VTI1A: variants seen among roughly 807,000 people sequenced by gnomAD.
VTI1A encodes vesicle transport through interaction with t-SNAREs homolog 1A.
A neutral mutation model predicts 34.9 loss-of-function variants in VTI1A; 22 were observed. The ratio of observed to expected loss-of-function variants is 0.63; its 90% CI spans 0.45 to 0.90. The LOEUF (loss-of-function observed/expected upper bound fraction) is 0.90. Among genes scored for constraint, VTI1A ranks in the 40% least tolerant of loss-of-function variants. VTI1A has a pLI of 0.00. For missense variants in VTI1A, 268 were observed against 275.6 expected, an observed-to-expected ratio of 0.97 and a Z score of 0.20; for synonymous variants, 87 against 97.3, an observed-to-expected ratio of 0.89 and a Z score of 0.62.
intron 7 of VTI1A, among the ~76,000 whole-genome samples, chr10:112,686,896 G>A (rs929696403): frequency 6.6e-6 from 1 of 152,162 alleles, no homozygotes; most frequent in Non-Finnish European, 1.5e-5. Context: ...CCACCAGAAG[G>A]TGGAATTTTT....
At chr10:112,812,593 C>A (rs1006529768) in intron 7 of VTI1A, among the ~76,000 whole-genome samples, 1 of 152,178 alleles carries the variant, frequency 6.6e-6, no homozygotes, top group Admixed American at 6.5e-5. Context: ...GTTCACTTTT[C>A]TGGTCCTGAG....
Position 112,815,796 on chromosome 10 carries a change from G to A in VTI1A, c.*413G>A, listed in dbSNP as rs867903267. ...GCTGAAAAGCTCTTCTGTGATGTCTGAGGATAAAAATGCAGCAAAAAGCAG... is the reference window on the plus strand; with the variant it reads ...GCTGAAAAGCTCTTCTGTGATGTCTAAGGATAAAAATGCAGCAAAAAGCAG... On this transcript the variant is annotated 3_prime_UTR_variant, in exon 8 of 8. Transcript: ENST00000393077. 1.1e-4 allele frequency: 30 copies of A among 262,716 alleles called. No homozygotes were observed. Among genetic ancestry groups the A allele is most frequent in the Middle Eastern group, 1.1e-3 (1 of 910 alleles). 16.3% of individuals were successfully genotyped at this position (262,716 alleles called of 1,614,324 possible).
At chr10:112,530,780 A>G (rs752567971) in intron 4 of VTI1A, among the ~76,000 whole-genome samples, 1 of 152,152 alleles carries the variant, frequency 6.6e-6, no homozygotes, top group Non-Finnish European at 1.5e-5. Context: ...AAGTCGGTCA[A>G]TTTAATTCCC....
chr10:112,469,439 A>G (rs1486995011), intron 3 of VTI1A, among the ~76,000 whole-genome samples: 2 of 152,136 alleles, frequency 1.3e-5, no homozygotes, highest in African/African-American at 4.8e-5. Context: ...CCCAAGAACT[A>G]ATTTTTGCCT....
rs182336271 is a variant in VTI1A at position 112,683,363 on chromosome 10, C to T, written c.560+14365C>T. On this transcript the variant is annotated intron_variant, in intron 7 of 7. Coordinates refer to ENST00000393077, the MANE Select transcript of VTI1A (RefSeq NM_145206.4). Reference sequence around the variant, plus strand: ...TAATTGGTAGGAACATGAAAGTGAACCTGAGTGGTCTTTGGTAGACTATAG... The same window carrying T: ...TAATTGGTAGGAACATGAAAGTGAATCTGAGTGGTCTTTGGTAGACTATAG... Among the ~76,000 whole-genome samples the T allele has an allele frequency of 4.6e-3, 704 of 152,236 alleles. 5 individuals are homozygous for T. The highest frequency in any genetic ancestry group is 0.016 in the African/African-American group (675 of 41,536).
intron 7 of VTI1A, among the ~76,000 whole-genome samples, chr10:112,755,072 G>A (rs1851233261): frequency 2.0e-5 from 3 of 151,932 alleles, no homozygotes; most frequent in Admixed American, 1.3e-4. Context: ...ATGGCCAACA[G>A]GGCGAAACCC....
intron 5 of VTI1A, among the ~76,000 whole-genome samples, chr10:112,635,629 C>T (rs2134642273): frequency 6.6e-6 from 1 of 152,190 alleles, no homozygotes; most frequent in Middle Eastern, 3.4e-3. Context: ...AGTTAAGAGG[C>T]TTTTGCACTG....
Position 112,668,985 on chromosome 10 carries a change from G to A in VTI1A, c.547G>A (p.Gly183Arg), listed in dbSNP as rs1385281940. 3 of 1,612,274 alleles carry A rather than the reference G, an allele frequency of 1.9e-6. No individual in the cohort carries two copies. The highest frequency in any genetic ancestry group is 2.5e-6 in the Non-Finnish European group (3 of 1,178,720). The part of the protein sequence containing the change: ...NLGKSSRILT[G>R]MLRRIIQNRI... ...GGGAAAAAGCTCCAGGATTCTGACA[G>A]GGATGTTGCGAAGGTAAGAGCAAGG... is the stretch of plus-strand genomic sequence containing the variant. The change falls in exon 7 of 8, where the codon GGG becomes AGG. Residue 183 changes from glycine (G) to arginine (R), a missense_variant. Gly to Arg is a moderately radical substitution (Grantham distance 125, BLOSUM62 -2). Coordinates refer to ENST00000393077, the MANE Select transcript of VTI1A (RefSeq NM_145206.4).
intron 5 of VTI1A, among the ~76,000 whole-genome samples, chr10:112,572,538 TA>T (rs1564832057): frequency 6.6e-6 from 1 of 152,036 alleles, no homozygotes; most frequent in African/African-American, 2.4e-5. Context: ...ACTTTGTCAA[TA>T]AAAAAATTGA....
At chr10:112,721,530 G>A (rs889314890) in intron 7 of VTI1A, among the ~76,000 whole-genome samples, 1 of 152,102 alleles carries the variant, frequency 6.6e-6, no homozygotes, top group African/African-American at 2.4e-5. Context: ...TTGTTTTTAT[G>A]TACTTTTAAT....
chr10:112,455,665 CCCTTCCTTCCTT>C (rs144913637), intron 1 of VTI1A, among the ~76,000 whole-genome samples: 4 of 125,112 alleles, frequency 3.2e-5, no homozygotes, highest in East Asian at 2.5e-4. Context: ...CTCCCTTCCT[CCCTTCCTTCCTT>C]CCTTCCTTCC....
downstream of VTI1A, among the ~76,000 whole-genome samples, chr10:112,819,961 G>T (rs1256828045): frequency 1.3e-5 from 2 of 152,198 alleles, no homozygotes; most frequent in East Asian, 1.9e-4. Flanking sequence ...TCCACCATGG[G>T]TGTGAGGGGA....
chr10:112,695,566 A>G (rs1179141996), intron 7 of VTI1A, among the ~76,000 whole-genome samples: 2 of 152,208 alleles, frequency 1.3e-5, no homozygotes, highest in Non-Finnish European at 2.9e-5. Flanking sequence ...TTAAATACAC[A>G]TATTTGCTTT....
chr10:112,496,397 C>CT (rs1849029130), intron 3 of VTI1A, among the ~76,000 whole-genome samples: 1 of 151,880 alleles, frequency 6.6e-6, no homozygotes, highest in Non-Finnish European at 1.5e-5. Context: ...TGGTGAAACT[C>CT]TATCTCTACT....
intron 7 of VTI1A, among the ~76,000 whole-genome samples, chr10:112,709,367 C>T (rs1849318118): frequency 6.6e-6 from 1 of 152,130 alleles, no homozygotes; most frequent in African/African-American, 2.4e-5. Flanking sequence ...TCAGACAGAA[C>T]TGCCCCCCTG....
intron 5 of VTI1A, among the ~76,000 whole-genome samples, chr10:112,565,794 CAT>C (rs1417766754): frequency 7.9e-5 from 12 of 152,238 alleles, no homozygotes; most frequent in African/African-American, 2.4e-4. Context: ...CAAAAAAGAA[CAT>C]ATTTTGATAT....
chr10:112,454,228 A>G (rs915486036), intron 1 of VTI1A, among the ~76,000 whole-genome samples: 2 of 152,252 alleles, frequency 1.3e-5, no homozygotes, highest in Admixed American at 6.5e-5. Flanking sequence ...ACTGAATTCA[A>G]GTGAGCCTTG....
intron 7 of VTI1A, among the ~76,000 whole-genome samples, chr10:112,743,575 T>C (rs1477004807): frequency 6.6e-6 from 1 of 152,108 alleles, no homozygotes; most frequent in Non-Finnish European, 1.5e-5. Flanking sequence ...GCCAGCGCCC[T>C]TTAGACATAT....
At chr10:112,556,471 A>G (rs2134315810) in intron 5 of VTI1A, among the ~76,000 whole-genome samples, 1 of 152,178 alleles carries the variant, frequency 6.6e-6, no homozygotes, top group African/African-American at 2.4e-5. Context: ...TAAAAGAGGC[A>G]GAGTGATTTA....
Sources: gnomAD v4.1 joint callset for allele counts (sites outside exome capture counted in the v4.1 genomes callset) on GRCh38, gnomAD v4.1.1 for gene constraint, MANE v1.5 for transcripts, NCBI Gene and HGNC (gene_info 2026-07-23, HGNC 2026-07-21) for gene names.